Variants in CALN1 observed in about 807,000 individuals in gnomAD.
CALN1 encodes the protein calcium-binding protein 8.
Under a neutral mutation model 30.6 loss-of-function variants are expected in CALN1, and 17 were observed. The ratio of observed to expected loss-of-function variants is 0.56; its 90% CI spans 0.38 to 0.83. The LOEUF (loss-of-function observed/expected upper bound fraction) is 0.83. Among genes scored for constraint, CALN1 ranks in the 40% least tolerant of loss-of-function variants. The probability of loss-of-function intolerance (pLI) is 0.00; values close to 1 mark genes in which losing one functional copy is unlikely to be tolerated. For missense variants in CALN1, 291 were observed against 354.9 expected, an observed-to-expected ratio of 0.82 and a Z score of 1.45; for synonymous variants, 156 against 131.4, an observed-to-expected ratio of 1.19 and a Z score of -1.28.
chr7:72,453,993 A>AAAAAATATATATATATATATATAT, the CALN1 span, among the ~76,000 whole-genome samples: 2 of 148,138 alleles, frequency 1.4e-5, no homozygotes, highest in African/African-American at 5.0e-5. Context: ...ACAACCAAAA[A>AAAAAATATATATATATATATATAT]ATATATATAT....
intron 2 of CALN1, among the ~76,000 whole-genome samples, chr7:72,354,268 A>G (rs1044575933): frequency 9.2e-5 from 14 of 152,210 alleles, no homozygotes; most frequent in Admixed American, 1.3e-4. Flanking sequence ...AGTTCTGTAT[A>G]CTAAAAACCT....
intron 3 of CALN1, among the ~76,000 whole-genome samples, chr7:72,140,134 G>A (rs1809791828): frequency 6.6e-6 from 1 of 151,914 alleles, no homozygotes; most frequent in Admixed American, 6.6e-5. Context: ...AGCTGGGAGT[G>A]GTGCTGAACA....
At chr7:72,494,781 C>T in the CALN1 span, among the ~76,000 whole-genome samples, 2 of 151,982 alleles carry the variant, frequency 1.3e-5, no homozygotes, top group Non-Finnish European at 2.9e-5. Flanking sequence ...GAGGAAAGAT[C>T]GCTGGAGCTC....
At chr7:71,965,130 T>A (rs997811362) in intron 5 of CALN1, among the ~76,000 whole-genome samples, 4 of 152,148 alleles carry the variant, frequency 2.6e-5, no homozygotes, top group African/African-American at 9.7e-5. Context: ...TGTGTTCAAG[T>A]CATCCTCCTG....
chr7:71,899,279 G>C (rs1197517761), intron 5 of CALN1, among the ~76,000 whole-genome samples: 1 of 151,980 alleles, frequency 6.6e-6, no homozygotes, highest in Non-Finnish European at 1.5e-5. Context: ...CAGCAGCTGG[G>C]ATTACAGGCA....
intron 2 of CALN1, among the ~76,000 whole-genome samples, chr7:72,346,616 A>C (rs543645885): frequency 6.6e-6 from 1 of 152,212 alleles, no homozygotes; most frequent in South Asian, 2.1e-4. Flanking sequence ...CCCAGGTTCA[A>C]GCGATTCTCC....
At chr7:72,359,893 C>A (rs1005523014) in intron 2 of CALN1, among the ~76,000 whole-genome samples, 1 of 144,410 alleles carries the variant, frequency 6.9e-6, no homozygotes, top group Non-Finnish European at 1.5e-5. Flanking sequence ...AGGAGAACGG[C>A]ATGAACCCAG....
rs568435775 is a variant in CALN1 at position 72,198,490 on chromosome 7, G to A, written c.244+80196C>T. On this transcript the variant is annotated intron_variant, in intron 3 of 6. Transcript: ENST00000395275. ...TTTCAAGTAAGGATCACTTTGTCCTGACATCGAACTCTCCCAAACAGGATT... is the reference window on the plus strand; with the variant it reads ...TTTCAAGTAAGGATCACTTTGTCCTAACATCGAACTCTCCCAAACAGGATT... Among the ~76,000 whole-genome samples, 3 of 152,240 alleles carry A rather than the reference G, an allele frequency of 2.0e-5. No individual in the cohort carries two copies. The South Asian group carries it at 6.2e-4, about 32-fold the overall frequency.
chr7:72,097,623 A>C (rs966271134), intron 4 of CALN1, among the ~76,000 whole-genome samples: 1 of 149,400 alleles, frequency 6.7e-6, no homozygotes, highest in African/African-American at 2.5e-5. Flanking sequence ...CCTGAGCAAC[A>C]AAGTGAGACC....
intron 2 of CALN1, among the ~76,000 whole-genome samples, chr7:72,348,054 C>T (rs1802736853): frequency 6.6e-6 from 1 of 152,056 alleles, no homozygotes; most frequent in Non-Finnish European, 1.5e-5. Context: ...TTGCTTGAAC[C>T]TAGGAAGCGA....
At chr7:72,098,764 GCA>G (rs1181933030) in intron 4 of CALN1, among the ~76,000 whole-genome samples, 154 of 142,830 alleles carry the variant, frequency 1.1e-3, no homozygotes, top group African/African-American at 3.1e-3. Flanking sequence ...CATTTGGCGC[GCA>G]CACACACACA....
At chr7:71,939,403 C>CGA (rs1796007078) in intron 5 of CALN1, among the ~76,000 whole-genome samples, 1 of 105,478 alleles carries the variant, frequency 9.5e-6, no homozygotes, top group Admixed American at 9.9e-5. Flanking sequence ...ACTAAAAATA[C>CGA]AAAAAAAAAA....
chr7:72,193,202 G>C (rs904038858), intron 3 of CALN1, among the ~76,000 whole-genome samples: 4 of 133,238 alleles, frequency 3.0e-5, no homozygotes, highest in African/African-American at 7.7e-5. Context: ...AAAAAGAAAA[G>C]AGAAAAAAAA....
intron 2 of CALN1, among the ~76,000 whole-genome samples, chr7:72,318,818 C>G (rs1800670103): frequency 9.9e-6 from 1 of 100,616 alleles, no homozygotes; most frequent in Non-Finnish European, 1.9e-5. Flanking sequence ...TCTGGAGTAG[C>G]TGGGATTTCA....
chr7:72,359,576 A>G (rs919789582), intron 2 of CALN1, among the ~76,000 whole-genome samples: 28 of 152,170 alleles, frequency 1.8e-4, no homozygotes, highest in African/African-American at 6.8e-4. Flanking sequence ...CACAGTGAAG[A>G]TAACAACACA....
At chr7:72,314,400 T>TATATACACATATATATACACAC (rs1800287515) in intron 2 of CALN1, among the ~76,000 whole-genome samples, 1 of 121,076 alleles carries the variant, frequency 8.3e-6, no homozygotes, top group Admixed American at 8.5e-5. Context: ...TATATACACA[T>TATATACACATATATATACACAC]ATATACACAT....
chr7:71,938,227 A>G (rs1232384846), intron 5 of CALN1, among the ~76,000 whole-genome samples: 1 of 152,214 alleles, frequency 6.6e-6, no homozygotes, highest in Admixed American at 6.5e-5. Context: ...TACCCTGCCC[A>G]GAAAGACAGT....
intron 4 of CALN1, among the ~76,000 whole-genome samples, chr7:72,075,530 G>T (rs1234668995): frequency 6.6e-6 from 1 of 152,174 alleles, no homozygotes; most frequent in Non-Finnish European, 1.5e-5. Context: ...TTACTCTACA[G>T]CCTACCCTGA....
At chr7:72,078,753 T>C (rs1804920407) in intron 4 of CALN1, among the ~76,000 whole-genome samples, 1 of 152,208 alleles carries the variant, frequency 6.6e-6, no homozygotes, top group South Asian at 2.1e-4. Context: ...CTGGCCAACA[T>C]GGTGAAACCC....
Sources: allele counts gnomAD v4.1 joint callset (sites outside exome capture counted in the v4.1 genomes callset), GRCh38; gene constraint gnomAD v4.1.1; transcripts MANE v1.5; gene names NCBI Gene and HGNC (gene_info 2026-07-23, HGNC 2026-07-21).